USP14: variants seen among roughly 807,000 people sequenced by gnomAD.
The protein encoded by USP14 is ubiquitin specific peptidase 14.
USP14 carries 38 observed loss-of-function variants against 76.5 expected under a neutral mutation model. The observed-to-expected ratio is 0.50, with a 90% CI of 0.38 to 0.65. The LOEUF (loss-of-function observed/expected upper bound fraction) is 0.65, where lower values mean the gene tolerates loss of function less well. Ranked by LOEUF, USP14 falls within the 30% of genes least tolerant of loss-of-function variation. The pLI is 0.00. For missense variants in USP14, 467 were observed against 586.5 expected (o/e 0.80, Z 2.10); for synonymous variants, 192 against 191.7 (o/e 1.00, Z -0.01).
chr18:158,882 G>C (rs185669605), intron 1 of USP14, 168 bp downstream of exon 1: 2 of 1,123,770 alleles, frequency 1.8e-6, no homozygotes, highest in Non-Finnish European at 2.3e-6. Flanking sequence ...CTCCCGGCTG[G>C]GTCGGAGCCC....
rs779577524 is a variant in USP14, at chr18:209,982, G to C, written c.1176G>C (p.Lys392Asn). 3 of 1,601,904 alleles carry C rather than the reference G, an allele frequency of 1.9e-6. No individual in the cohort carries two copies. The highest frequency in any genetic ancestry group is 2.6e-6 in the Non-Finnish European group (3 of 1,176,112). The change falls in exon 14 of 16, where the codon AAG (lysine) becomes AAC (asparagine). Residue 392 changes from lysine to asparagine, a missense_variant. Transcript: ENST00000261601. ...TTTTTTCTCCTCAGAGTGACAAAAA[G>C]AGTAGTCCCCAGAAAGAAGTTAAGT... ...VNQQPNTSDK[K>N]SSPQKEVKYE...
chr18:159,794 G>T (rs927417230), intron 1 of USP14, among the ~76,000 whole-genome samples: 2 of 152,058 alleles, frequency 1.3e-5, no homozygotes, highest in African/African-American at 4.8e-5. Flanking sequence ...AAATGCCAGC[G>T]CTGACCAGAG....
At chr18:179,589 T>C (rs1476138123) in intron 4 of USP14, among the ~76,000 whole-genome samples, 5 of 147,886 alleles carry the variant, frequency 3.4e-5, no homozygotes, top group African/African-American at 5.0e-5. Context: ...TTTTTTGCTT[T>C]TTTTTTTTTT....
Position 179,050 on chromosome 18 carries a change from A to C in USP14, c.300+13A>C, listed in dbSNP as rs772874074. 1 of 1,567,466 alleles carries C rather than the reference A, an allele frequency of 6.4e-7. No individual in the cohort carries two copies. Among genetic ancestry groups the C allele is most frequent in the Non-Finnish European group, 8.7e-7 (1 of 1,154,722 alleles). ...GTTAGCATCTGCTGTAAGACACACCAGATTTTATGTGTTTGATCACTACTT... is the reference window on the plus strand; with the variant it reads ...GTTAGCATCTGCTGTAAGACACACCCGATTTTATGTGTTTGATCACTACTT... On this transcript the variant is annotated intron_variant, in intron 4 of 15. Transcript: ENST00000261601.
chr18:206,259 G>C (rs949663850), intron 13 of USP14, among the ~76,000 whole-genome samples: 2 of 152,208 alleles, frequency 1.3e-5, no homozygotes, highest in Non-Finnish European at 2.9e-5. Flanking sequence ...CATTGGATAG[G>C]TTTATAGTGA....
chr18:179,117 C>G, intron 4 of USP14, 80 bp downstream of exon 4: 2 of 955,324 alleles, frequency 2.1e-6, no homozygotes. Flanking sequence ...AAAGTAGCAT[C>G]TGAATGTCTT....
intron 5 of USP14, among the ~76,000 whole-genome samples, chr18:189,138 A>T (rs1201516525): frequency 2.0e-5 from 3 of 149,952 alleles, no homozygotes; most frequent in African/African-American, 4.9e-5. Flanking sequence ...CTTATTTGTT[A>T]TATTTGTGTT....
At chr18:172,628 C>G (rs138492288) in intron 3 of USP14, among the ~76,000 whole-genome samples, 2 of 152,180 alleles carry the variant, frequency 1.3e-5, no homozygotes, top group African/African-American at 2.4e-5. Context: ...GAACCAGTGC[C>G]GTGATCAGTC....
intron 5 of USP14, among the ~76,000 whole-genome samples, chr18:181,583 A>T (rs1598270549): frequency 1.3e-5 from 2 of 152,318 alleles, no homozygotes; most frequent in Admixed American, 1.3e-4. Context: ...TACCCAATGG[A>T]TAATTTGCAA....
At chr18:206,149 G>A (rs1373034975) in intron 13 of USP14, among the ~76,000 whole-genome samples, 1 of 152,238 alleles carries the variant, frequency 6.6e-6, no homozygotes, top group Non-Finnish European at 1.5e-5. Context: ...GTTTTCTAGA[G>A]TGGCTGTACC....
rs1341772122 is a variant in USP14 at position 184,295 on chromosome 18, A to G, written c.404+3956A>G. Among the ~76,000 whole-genome samples the G allele has an allele frequency of 2.6e-5, 4 of 152,206 alleles. No individual in the cohort carries two copies. In the East Asian group the frequency reaches 7.7e-4, roughly 29 times the overall value. On this transcript the variant is annotated intron_variant, in intron 5 of 15. Coordinates refer to ENST00000261601, the MANE Select transcript of USP14 (RefSeq NM_005151.4). ...TGCACTTACTAACGTAATTGATACA[A>G]GATGTCATGGATGGTGGTATGTCTT...
intron 13 of USP14, 118 bp downstream of exon 13, chr18:204,810 TATTATTTGGATCAA>T: frequency 5.1e-6 from 5 of 985,734 alleles, no homozygotes; most frequent in Non-Finnish European, 7.0e-6. Flanking sequence ...CTTTGTATAG[TATTATTTGGATCAA>T]TCTGTATTAC....
At chr18:210,364 A>G in intron 14 of USP14, 22 bp from the exon 15 acceptor site, 1 of 1,526,834 alleles carries the variant, frequency 6.5e-7, no homozygotes, top group Non-Finnish European at 9.0e-7. Flanking sequence ...TCTAATATTA[A>G]TGGATTTACA....
intron 13 of USP14, among the ~76,000 whole-genome samples, chr18:208,387 C>T (rs1910584276): frequency 6.6e-6 from 1 of 151,962 alleles, no homozygotes; most frequent in South Asian, 2.1e-4. Context: ...TGTGTTTGTC[C>T]CCCTTGCTTG....
At position 178,976 on chromosome 18, in the gene USP14, A is replaced by T. The variant is rs1399809464; in HGVS notation, c.239A>T (p.Glu80Val). The change falls in exon 4 of 16, where the codon GAA (glutamate) becomes GTA (valine). Residue 80 changes from glutamate (E) to valine (V), a missense_variant. Transcript: ENST00000261601. ...LMMGSADALP[E>V]EPSAKTVFVE... ...ATGGGGTCAGCAGATGCTCTTCCAG[A>T]AGAACCCTCAGCCAAAACTGTCTTC... The T allele has an allele frequency of 2.5e-6, 4 of 1,613,514 alleles. No individual in the cohort carries two copies. Among genetic ancestry groups the T allele is most frequent in the Non-Finnish European group, 3.4e-6 (4 of 1,179,744 alleles).
chr18:158,712 C>T lies in USP14; in HGVS notation c.14C>T (p.Ser5Phe). 4.6e-6 allele frequency: 7 copies of T among 1,534,040 alleles called. No individual in the cohort carries two copies. The South Asian group carries it at 8.4e-5, about 18-fold the overall frequency. Residue 5 changes from serine to phenylalanine, a missense_variant and splice_region_variant, in exon 1 of 16, where the codon TCC becomes TTC. Transcript: ENST00000261601. ...CCGCGCCCCGCCATGCCGCTCTACT[C>T]CGGTGAGCCCTGTCCTGGCCTCGCG... MPLY[S>F]VTVKWGKEKF...
rs1910721324 is a variant in USP14 at position 213,188 on chromosome 18, AATTTT to A, written c.*1908_*1912del. 6.6e-6 allele frequency: 1 copy of A among 152,312 alleles called. No homozygotes were observed. The highest frequency in any genetic ancestry group is 2.4e-5 in the African/African-American group (1 of 41,558). The allele number at this position is 152,312 out of a possible 1,614,324, so 9.4% of individuals were successfully genotyped here. A position where few individuals can be genotyped will look rare whatever the true frequency, so the allele number is the denominator to read the frequency against. On this transcript the variant is annotated 3_prime_UTR_variant, in exon 16 of 16. Transcript: ENST00000261601. ...ATTCATTGTCTCATTTGGTCAGAAC[AATTTT>A]ATTGAGGACATGAATTTAACAATTA...
intron 3 of USP14, among the ~76,000 whole-genome samples, chr18:178,387 T>C (rs1218008667): frequency 6.6e-6 from 1 of 152,146 alleles, no homozygotes; most frequent in Non-Finnish European, 1.5e-5. Context: ...ATTTGAGGAA[T>C]TCCCTCTGCT....
intron 5 of USP14, among the ~76,000 whole-genome samples, chr18:185,954 A>G (rs1598272315): frequency 6.6e-6 from 1 of 151,386 alleles, no homozygotes; most frequent in South Asian, 2.1e-4. Context: ...CTCCCAGCTC[A>G]GTCTGCCAAA....
Sources: allele counts gnomAD v4.1 joint callset (sites outside exome capture counted in the v4.1 genomes callset), GRCh38; gene constraint gnomAD v4.1.1; transcripts MANE v1.5; gene names NCBI Gene and HGNC (gene_info 2026-07-23, HGNC 2026-07-21).